The following CELF2 variants were observed in gnomAD, a reference collection of about 807,000 sequenced individuals.
The protein encoded by CELF2 is CUGBP Elav-like family member 2.
A neutral mutation model predicts 62.6 loss-of-function variants in CELF2; 8 were observed. The ratio of observed to expected loss-of-function variants is 0.13; its 90% CI spans 0.07 to 0.23. CELF2 has a LOEUF of 0.23. CELF2 is among the 10% of genes least tolerant of loss of function. CELF2 has a pLI of 1.00. For missense variants in CELF2, 333 were observed against 671.0 expected, an observed-to-expected ratio of 0.50 and a Z score of 5.56; for synonymous variants, 258 against 250.0, an observed-to-expected ratio of 1.03 and a Z score of -0.30.
chr10:10,585,531 G>C, the CELF2 span, among the ~76,000 whole-genome samples: 1 of 152,186 alleles, frequency 6.6e-6, no homozygotes, highest in Non-Finnish European at 1.5e-5. Context: ...ACTAGGATTT[G>C]TGTGGAAGTG....
intron 1 of CELF2, among the ~76,000 whole-genome samples, chr10:11,068,099 A>G (rs2762537): frequency 0.51 from 78,050 of 152,010 alleles, 22,754 homozygotes; most frequent in African/African-American, 0.79. Context: ...AGATAGAACC[A>G]AATTTAGACT....
intron 1 of CELF2, among the ~76,000 whole-genome samples, chr10:10,890,774 G>C (rs1197905026): frequency 2.6e-5 from 4 of 152,206 alleles, no homozygotes; most frequent in African/African-American, 9.6e-5. Flanking sequence ...CAGCACTTTG[G>C]GAGGCCAAAG....
At chr10:11,239,710 T>A (rs962227339) in intron 3 of CELF2, among the ~76,000 whole-genome samples, 1 of 152,202 alleles carries the variant, frequency 6.6e-6, no homozygotes, top group African/African-American at 2.4e-5. Flanking sequence ...AAATCCACTT[T>A]TTTTTTTAAA....
At chr10:10,707,551 G>A in the CELF2 span, among the ~76,000 whole-genome samples, 1 of 152,154 alleles carries the variant, frequency 6.6e-6, no homozygotes, top group African/African-American at 2.4e-5. Context: ...CAGAAATTTG[G>A]TTCACATGAA....
the CELF2 span, among the ~76,000 whole-genome samples, chr10:10,568,559 A>C: frequency 6.6e-6 from 1 of 152,204 alleles, no homozygotes; most frequent in African/African-American, 2.4e-5. Context: ...AGAGGAGCCA[A>C]GATATAATGG....
intron 8 of CELF2, among the ~76,000 whole-genome samples, chr10:11,282,102 C>T (rs749931918): frequency 1.7e-4 from 26 of 152,308 alleles, no homozygotes; most frequent in Non-Finnish European, 1.6e-4. Flanking sequence ...CATTGCCTTT[C>T]GAAACCCTAT....
At chr10:10,616,902 A>C in the CELF2 span, among the ~76,000 whole-genome samples, 1 of 151,738 alleles carries the variant, frequency 6.6e-6, no homozygotes, top group African/African-American at 2.4e-5. Context: ...GACCACAGGC[A>C]TGCACCATTA....
chr10:11,322,467 AATG>A (rs2095492548), intron 11 of CELF2, among the ~76,000 whole-genome samples: 1 of 152,236 alleles, frequency 6.6e-6, no homozygotes, highest in East Asian at 1.9e-4. Context: ...AAATCTGCTG[AATG>A]ATATTTTTTT....
chr10:11,077,387 A>G (rs539006097), intron 1 of CELF2, among the ~76,000 whole-genome samples: 1 of 152,320 alleles, frequency 6.6e-6, no homozygotes, highest in South Asian at 2.1e-4. Context: ...AATAATCCCA[A>G]GTGGGTCAGT....
rs1591377100 is a variant in CELF2 at position 11,316,234 on chromosome 10, A to G, written c.1096+1976A>G. Among the ~76,000 whole-genome samples, 1 of 152,262 alleles carries G rather than the reference A, an allele frequency of 6.6e-6. No individual in the cohort carries two copies. The highest frequency in any genetic ancestry group is 2.1e-4 in the South Asian group (1 of 4,832). On this transcript the variant is annotated intron_variant, in intron 10 of 12. Coordinates refer to ENST00000633077, the MANE Select transcript of CELF2 (RefSeq NM_001326342.2). The surrounding 1 kb of genome is among the most constrained non-coding windows in gnomAD (Gnocchi z 4.4). The stretch of plus-strand genomic sequence containing the variant: ...TGCCAATGGGTTAATATAAGTCTGT[A>G]TAGTTCATAGAAAACGAAGAAAGAA...
At chr10:10,775,695 C>T in the CELF2 span, among the ~76,000 whole-genome samples, 4 of 151,936 alleles carry the variant, frequency 2.6e-5, no homozygotes, top group Non-Finnish European at 5.9e-5. Flanking sequence ...CCTAGGGCAT[C>T]ATAAGAATTC....
At chr10:10,889,997 A>G (rs911909316) in intron 1 of CELF2, among the ~76,000 whole-genome samples, 4 of 152,162 alleles carry the variant, frequency 2.6e-5, no homozygotes, top group Non-Finnish European at 5.9e-5. Flanking sequence ...TCTATGCTAA[A>G]ATCAAAAGTA....
At chr10:11,203,531 C>T (rs1197634927) in intron 2 of CELF2, among the ~76,000 whole-genome samples, 1 of 152,120 alleles carries the variant, frequency 6.6e-6, no homozygotes, top group African/African-American at 2.4e-5. Context: ...AAGATGAGTC[C>T]ACCTAACTGG....
At chr10:10,543,892 G>C in the CELF2 span, among the ~76,000 whole-genome samples, 1 of 152,170 alleles carries the variant, frequency 6.6e-6, no homozygotes, top group South Asian at 2.1e-4. Flanking sequence ...TCAGCGCTAA[G>C]CATGCAGTGA....
rs559301677 is a variant in CELF2 at position 11,117,504 on chromosome 10, G to T, written c.75-47982G>T. Among the ~76,000 whole-genome samples the T allele has an allele frequency of 6.6e-6, 1 of 152,178 alleles. No individual in the cohort carries two copies. Among genetic ancestry groups the T allele is most frequent in the Non-Finnish European group, 1.5e-5 (1 of 68,042 alleles). On this transcript the variant is annotated intron_variant, in intron 1 of 12. Transcript: ENST00000633077. This position sits in a 1 kb window ranked among gnomAD's most constrained non-coding sequence, Gnocchi z 4.1. ...CCTGTGCTCTGCAGCAGCTCTAGAG[G>T]CCACTCCTTTAGACCTAGGTCCATC...
At chr10:10,495,583 A>T in the CELF2 span, among the ~76,000 whole-genome samples, 1 of 152,200 alleles carries the variant, frequency 6.6e-6, no homozygotes, top group African/African-American at 2.4e-5. Context: ...TCCGCAGACA[A>T]CCAGAATTGC....
the CELF2 span, among the ~76,000 whole-genome samples, chr10:10,486,770 A>T: frequency 6.6e-6 from 1 of 152,160 alleles, no homozygotes; most frequent in Non-Finnish European, 1.5e-5. Context: ...ATCTAGATAA[A>T]CATTCTTGGG....
the CELF2 span, among the ~76,000 whole-genome samples, chr10:10,731,006 G>C: frequency 1.3e-5 from 2 of 152,260 alleles, no homozygotes; most frequent in South Asian, 4.1e-4. Flanking sequence ...AGATAGAGTG[G>C]CTACGAATAT....
chr10:10,918,318 G>A (rs2064542081), intron 1 of CELF2, among the ~76,000 whole-genome samples: 1 of 152,170 alleles, frequency 6.6e-6, no homozygotes, highest in South Asian at 2.1e-4. Flanking sequence ...TCAAAGACAT[G>A]AACATGTGTG....
Sources: gnomAD v4.1 joint callset for allele counts (sites outside exome capture counted in the v4.1 genomes callset) on GRCh38, gnomAD v4.1.1 for gene constraint, Gnocchi (gnomAD v3.1) non-coding constraint, MANE v1.5 for transcripts, NCBI Gene and HGNC (gene_info 2026-07-23, HGNC 2026-07-21) for gene names.